Variants in ZMYM2 observed in about 807,000 individuals in gnomAD.
The protein encoded by ZMYM2 is zinc finger MYM-type protein 2.
In ZMYM2, 56 loss-of-function variants were observed where a neutral mutation model predicts 162.8. The observed-to-expected ratio is 0.34, with a 90% CI of 0.28 to 0.43. The LOEUF is 0.43. Ranked by LOEUF, ZMYM2 falls within the 20% of genes least tolerant of loss-of-function variation. The pLI is 1.00. For missense variants in ZMYM2, 1,275 were observed against 1,621.8 expected, an observed-to-expected ratio of 0.79 and a Z score of 3.67; for synonymous variants, 510 against 541.6, an observed-to-expected ratio of 0.94 and a Z score of 0.81.
At chr13:20,035,128 C>T (rs1953564234) in intron 11 of ZMYM2, among the ~76,000 whole-genome samples, 2 of 152,116 alleles carry the variant, frequency 1.3e-5, no homozygotes, top group Admixed American at 1.3e-4. Context: ...GCTATCTTCA[C>T]CTATAATTTT....
chr13:20,033,163 A>G (rs1458638036), intron 10 of ZMYM2, among the ~76,000 whole-genome samples: 2 of 152,132 alleles, frequency 1.3e-5, no homozygotes, highest in East Asian at 1.9e-4. Context: ...GAAATCCATT[A>G]GCAAGCATAC....
At chr13:20,014,789 A>T in intron 6 of ZMYM2, among the ~76,000 whole-genome samples, 1 of 119,184 alleles carries the variant, frequency 8.4e-6, no homozygotes. Flanking sequence ...TTTTGGGGAC[A>T]AAGTCTCACT....
Position 20,086,083 on chromosome 13 carries a change from G to A in ZMYM2, c.*69G>A. ...AGTCATGCTGCTAGATCTTTATTAT[G>A]GAAAACATTTCAAGTTTACTCCTTC... On this transcript the variant is annotated 3_prime_UTR_variant, in exon 25 of 25. Transcript: ENST00000610343. 6.7e-7 allele frequency: 1 copy of A among 1,489,900 alleles called. No homozygotes were observed. Among genetic ancestry groups the A allele is most frequent in the Non-Finnish European group, 9.1e-7 (1 of 1,100,478 alleles). The allele number at this position is 1,489,900 out of a possible 1,614,324, so 92.3% of individuals were successfully genotyped here.
At chr13:20,042,780 G>A (rs1225212526) in intron 12 of ZMYM2, among the ~76,000 whole-genome samples, 1 of 151,736 alleles carries the variant, frequency 6.6e-6, no homozygotes, top group African/African-American at 2.4e-5. Flanking sequence ...CTGGAGTGCC[G>A]TGGCATGATC....
intron 12 of ZMYM2, among the ~76,000 whole-genome samples, chr13:20,038,764 C>CT (rs1310889908): frequency 6.8e-6 from 1 of 147,202 alleles, no homozygotes. Context: ...TATTTGGGCT[C>CT]TTTTTTGGTT....
intron 12 of ZMYM2, among the ~76,000 whole-genome samples, chr13:20,039,934 G>C (rs1423593170): frequency 6.6e-6 from 1 of 152,162 alleles, no homozygotes. Flanking sequence ...CAGTGATAGA[G>C]CCTACTTGAT....
the ZMYM2 span, among the ~76,000 whole-genome samples, chr13:19,892,759 G>A: frequency 2.0e-5 from 3 of 150,598 alleles, no homozygotes; most frequent in Middle Eastern, 6.9e-3. Context: ...GTGTCACCCG[G>A]GCTGGGTTGC....
chr13:20,064,618 G>T, intron 19 of ZMYM2, 73 bp downstream of exon 19: 7 of 1,172,640 alleles, frequency 6.0e-6, no homozygotes, highest in Non-Finnish European at 7.9e-6. Flanking sequence ...CTTTTAGTGT[G>T]CCTGAGAATA....
At position 20,059,430 on chromosome 13, in the gene ZMYM2, A is replaced by G; in HGVS notation, c.2624-17A>G. The G allele has an allele frequency of 2.5e-6, 4 of 1,612,376 alleles. No homozygotes were observed. The South Asian group carries it at 3.3e-5, about 13-fold the overall frequency. Reference sequence around the variant, plus strand: ...TGTTAGTTAACATTGCTCCTTAAATATGTTTTGTGTTTTTAGATGATACTT... The same window carrying G: ...TGTTAGTTAACATTGCTCCTTAAATGTGTTTTGTGTTTTTAGATGATACTT... On this transcript the variant is annotated splice_polypyrimidine_tract_variant and intron_variant, in intron 15 of 24. Coordinates refer to ENST00000610343, the MANE Select transcript of ZMYM2 (RefSeq NM_197968.4).
At position 20,054,393 on chromosome 13, in the gene ZMYM2, T is replaced by C. The variant is rs76406104; in HGVS notation, c.2493+2082T>C. ...ACTTGAATCCTGATTTCAGAACTTT[T>C]AGCTCAGTGCCTGTTGCCAGGTTAT... On this transcript the variant is annotated intron_variant, in intron 14 of 24. Coordinates refer to ENST00000610343, the MANE Select transcript of ZMYM2 (RefSeq NM_197968.4). 9.2e-3 allele frequency among the ~76,000 whole-genome samples: 1,395 copies of C among 152,356 alleles called. 11 individuals are homozygous for C. The highest frequency in any genetic ancestry group is 0.012 in the Non-Finnish European group (809 of 68,022).
the ZMYM2 span, among the ~76,000 whole-genome samples, chr13:19,903,501 A>AAAAG: frequency 5.3e-5 from 8 of 150,858 alleles, no homozygotes; most frequent in Middle Eastern, 3.4e-3. Flanking sequence ...AAAAAAAAAA[A>AAAAG]AAAGAAAATT....
At chr13:20,055,824 A>G (rs528982839) in intron 14 of ZMYM2, among the ~76,000 whole-genome samples, 2 of 152,116 alleles carry the variant, frequency 1.3e-5, no homozygotes, top group African/African-American at 4.8e-5. Context: ...CATACTGAAC[A>G]GCTTTCAGCT....
At chr13:19,887,825 C>A in the ZMYM2 span, among the ~76,000 whole-genome samples, 12 of 151,412 alleles carry the variant, frequency 7.9e-5, no homozygotes, top group South Asian at 1.5e-3. Flanking sequence ...TTCTTTATTT[C>A]TTGCTCGAAC....
At chr13:20,072,350 G>A (rs1056063931) in intron 21 of ZMYM2, among the ~76,000 whole-genome samples, 1 of 152,038 alleles carries the variant, frequency 6.6e-6, no homozygotes, top group African/African-American at 2.4e-5. Context: ...GTGAAATGCT[G>A]TCTCTACTAA....
At chr13:19,996,686 C>T (rs1950041257) in intron 3 of ZMYM2, among the ~76,000 whole-genome samples, 1 of 151,952 alleles carries the variant, frequency 6.6e-6, no homozygotes, top group Non-Finnish European at 1.5e-5. Context: ...CACTGCACTC[C>T]AGCCTGGGCG....
Position 20,041,901 on chromosome 13 carries a change from T to TG in ZMYM2, c.2292+4992_2292+4993insG, listed in dbSNP as rs1239948330. Among the ~76,000 whole-genome samples the TG allele has an allele frequency of 3.3e-5, 5 of 152,306 alleles. No homozygotes were observed. In the East Asian group the frequency reaches 9.7e-4, roughly 29 times the overall value. On this transcript the variant is annotated intron_variant, in intron 12 of 24. Transcript: ENST00000610343. ...TATTGGCCCCCAATCTCTTCTGGCT[T>TG]ATAGGGTTTCTGCTGAGAGATCTGC...
At chr13:19,944,827 C>T in the ZMYM2 span, among the ~76,000 whole-genome samples, 7 of 152,088 alleles carry the variant, frequency 4.6e-5, no homozygotes, top group Non-Finnish European at 5.9e-5. Context: ...CCCACCACCA[C>T]ACCTGGCTAA....
the ZMYM2 span, among the ~76,000 whole-genome samples, chr13:19,890,559 C>T: frequency 2.2e-5 from 3 of 135,614 alleles, no homozygotes; most frequent in African/African-American, 5.7e-5. Context: ...AATTGGGGAA[C>T]GATTAGATTA....
upstream of ZMYM2, among the ~76,000 whole-genome samples, chr13:19,956,006 TATC>T (rs1266365304): frequency 3.9e-5 from 6 of 152,360 alleles, no homozygotes; most frequent in African/African-American, 1.2e-4. Context: ...ATAATTGACA[TATC>T]ATGCAATTCA....
Sources: gnomAD v4.1 joint callset for allele counts (sites outside exome capture counted in the v4.1 genomes callset) on GRCh38, gnomAD v4.1.1 for gene constraint, MANE v1.5 for transcripts, NCBI Gene and HGNC (gene_info 2026-07-23, HGNC 2026-07-21) for gene names.